The following PRIM2 variants were observed in gnomAD, a reference collection of about 807,000 sequenced individuals.
The protein encoded by PRIM2 is DNA primase subunit 2.
PRIM2 carries 39 observed loss-of-function variants against 67.3 expected under a neutral mutation model. That is an observed-to-expected ratio of 0.58 (90% CI 0.45 to 0.76). The LOEUF (loss-of-function observed/expected upper bound fraction) is 0.76, where lower values mean the gene tolerates loss of function less well. Ranked by LOEUF, PRIM2 falls within the 30% of genes least tolerant of loss-of-function variation. PRIM2 has a pLI of 0.00. For synonymous variants in PRIM2, 143 were observed against 198.7 expected (o/e 0.72, Z 2.36); for missense variants, 398 against 598.7 (o/e 0.66, Z 3.50).
At chr6:57,507,675 G>A (rs1237687323) in intron 8 of PRIM2, among the ~76,000 whole-genome samples, 6 of 152,008 alleles carry the variant, frequency 3.9e-5, no homozygotes, top group Non-Finnish European at 1.5e-5. Flanking sequence ...ACAGTGTGCT[G>A]AACTGCTTGA....
the PRIM2 span, among the ~76,000 whole-genome samples, chr6:57,229,941 C>T: frequency 6.6e-6 from 1 of 152,208 alleles, no homozygotes; most frequent in African/African-American, 2.4e-5. Flanking sequence ...TTCATGAGGG[C>T]TGCCTTTTCT....
chr6:57,519,533 C>T (rs1347266417), intron 8 of PRIM2, among the ~76,000 whole-genome samples: 1 of 152,198 alleles, frequency 6.6e-6, no homozygotes, highest in African/African-American at 2.4e-5. Context: ...TCTGTTCCGC[C>T]CGGCTCACCA....
intron 10 of PRIM2, among the ~76,000 whole-genome samples, chr6:57,592,726 G>T (rs1776302664): frequency 6.6e-6 from 1 of 151,854 alleles, no homozygotes; most frequent in Admixed American, 6.6e-5. Context: ...GGGAGGCGGA[G>T]GTCTCAGTGA....
intron 10 of PRIM2, among the ~76,000 whole-genome samples, chr6:57,573,073 C>T (rs1354371977): frequency 6.6e-6 from 1 of 152,220 alleles, no homozygotes; most frequent in Non-Finnish European, 1.5e-5. Context: ...ATCCTTCTGC[C>T]TTGGCCTCTC....
At chr6:57,254,391 A>G in the PRIM2 span, among the ~76,000 whole-genome samples, 1 of 152,250 alleles carries the variant, frequency 6.6e-6, no homozygotes, top group South Asian at 2.1e-4. Context: ...ACTATTTCCA[A>G]TTCTCACACT....
At chr6:57,490,741 G>A (rs1773869230) in intron 7 of PRIM2, among the ~76,000 whole-genome samples, 7 of 152,174 alleles carry the variant, frequency 4.6e-5, no homozygotes, top group Admixed American at 3.9e-4. Flanking sequence ...GACCTCTGAA[G>A]GCAGAAGGAA....
At chr6:57,273,590 G>A in the PRIM2 span, among the ~76,000 whole-genome samples, 1 of 152,068 alleles carries the variant, frequency 6.6e-6, no homozygotes, top group African/African-American at 2.4e-5. Context: ...CTGTAGCTTG[G>A]AGTAGTTTGA....
chr6:57,260,523 A>G, the PRIM2 span, among the ~76,000 whole-genome samples: 1 of 152,302 alleles, frequency 6.6e-6, no homozygotes, highest in African/African-American at 2.4e-5. Context: ...TTATGAACCC[A>G]TTCTATTTTT....
chr6:57,509,804 A>AT (rs1371658979), intron 8 of PRIM2, among the ~76,000 whole-genome samples: 1 of 149,074 alleles, frequency 6.7e-6, no homozygotes, highest in Admixed American at 6.7e-5. Context: ...TTTTAAATGT[A>AT]TTTAACATAA....
chr6:57,523,774 T>C (rs1774680289), intron 8 of PRIM2, among the ~76,000 whole-genome samples: 1 of 152,062 alleles, frequency 6.6e-6, no homozygotes, highest in Admixed American at 6.6e-5. Context: ...TCCACTTTCA[T>C]GTAATTTCTG....
At chr6:57,570,992 C>T (rs1214831642) in intron 10 of PRIM2, among the ~76,000 whole-genome samples, 2 of 152,134 alleles carry the variant, frequency 1.3e-5, no homozygotes, top group East Asian at 1.9e-4. Flanking sequence ...TAGAATTTTA[C>T]TGGAAAAGAA....
Position 57,394,073 on chromosome 6 carries a change from A to G in PRIM2, c.693+11905A>G, listed in dbSNP as rs376960820. ...TGTTTGGGTGACTATGGCCTATAGT[A>G]TAGTTTGAAATCAGGTAATGTGATG... On this transcript the variant is annotated intron_variant, in intron 7 of 13. Coordinates refer to ENST00000615550, the MANE Select transcript of PRIM2 (RefSeq NM_000947.5). Among the ~76,000 whole-genome samples, 42 of 152,286 alleles carry G rather than the reference A, an allele frequency of 2.8e-4. No homozygotes were observed. The East Asian group carries it at 6.8e-3, about 24-fold the overall frequency.
At chr6:57,500,009 A>G (rs1774096702) in intron 7 of PRIM2, among the ~76,000 whole-genome samples, 1 of 128,116 alleles carries the variant, frequency 7.8e-6, no homozygotes, top group Non-Finnish European at 1.6e-5. Context: ...GCATGCCTAA[A>G]ATGAAACTTA....
At chr6:57,238,470 A>G in the PRIM2 span, among the ~76,000 whole-genome samples, 1 of 152,252 alleles carries the variant, frequency 6.6e-6, no homozygotes, top group Non-Finnish European at 1.5e-5. Context: ...ACTACTGGGT[A>G]TATAATGAAA....
the PRIM2 span, among the ~76,000 whole-genome samples, chr6:57,252,068 A>T: frequency 6.6e-6 from 1 of 152,224 alleles, no homozygotes; most frequent in Admixed American, 6.5e-5. Flanking sequence ...ACCATGTCTT[A>T]TTTGCCCTTT....
intron 7 of PRIM2, among the ~76,000 whole-genome samples, chr6:57,444,802 CCT>C (rs922092957): frequency 6.6e-6 from 1 of 151,858 alleles, no homozygotes; most frequent in African/African-American, 2.4e-5. Context: ...TTGCTTGGCT[CCT>C]CTCTGCATAG....
the PRIM2 span, among the ~76,000 whole-genome samples, chr6:57,268,302 G>T: frequency 6.6e-6 from 1 of 152,094 alleles, no homozygotes; most frequent in African/African-American, 2.4e-5. Flanking sequence ...AACATTTTGT[G>T]ACCTCCTGTA....
the PRIM2 span, among the ~76,000 whole-genome samples, chr6:57,225,175 G>A: frequency 1.4e-4 from 21 of 152,056 alleles, no homozygotes; most frequent in Non-Finnish European, 8.8e-5. Flanking sequence ...TGCTTTTTGG[G>A]GTTTTCACTT....
intron 10 of PRIM2, among the ~76,000 whole-genome samples, chr6:57,581,534 C>G (rs1776083775): frequency 6.6e-6 from 1 of 152,146 alleles, no homozygotes; most frequent in South Asian, 2.1e-4. Context: ...TTTTCTAAAA[C>G]AAGGTGAAAG....
Sources: gnomAD v4.1 joint callset for allele counts (sites outside exome capture counted in the v4.1 genomes callset) on GRCh38, gnomAD v4.1.1 for gene constraint, MANE v1.5 for transcripts, NCBI Gene and HGNC (gene_info 2026-07-23, HGNC 2026-07-21) for gene names.